TLE2: variants seen among roughly 807,000 people sequenced by gnomAD.
TLE2 encodes TLE family member 2, transcriptional corepressor, also known as transducin-like enhancer protein 2.
Under a neutral mutation model 97.2 loss-of-function variants are expected in TLE2, and 74 were observed. The observed-to-expected ratio is 0.76, with a 90% CI of 0.63 to 0.92. The LOEUF (loss-of-function observed/expected upper bound fraction) is 0.92, where lower values mean the gene tolerates loss of function less well. TLE2 is among the 40% of genes least tolerant of loss of function. The pLI, the probability that TLE2 is intolerant of heterozygous loss-of-function variation, is 0.00. For synonymous variants in TLE2, 499 were observed against 432.1 expected, an observed-to-expected ratio of 1.15 and a Z score of -1.92; for missense variants, 1,038 against 1,008.7, an observed-to-expected ratio of 1.03 and a Z score of -0.39.
At chr19:3,029,562 G>GAGC (rs941304896), upstream of TLE2, 3 of 816,150 alleles carry the variant, frequency 3.7e-6, no homozygotes, top group African/African-American at 1.9e-5. Flanking sequence ...TGGGAGCGGG[G>GAGC]GGGGGGGCTT....
chr19:3,046,253 C>A (rs941160253), upstream of TLE2, among the ~76,000 whole-genome samples: 3 of 152,234 alleles, frequency 2.0e-5, no homozygotes, highest in Non-Finnish European at 4.4e-5. Context: ...ACCAGCACTG[C>A]AGGTGCAGCT....
rs557429534 is a variant in TLE2 at position 3,029,037 on chromosome 19, G to A, written c.-133C>T. The A allele has an allele frequency of 2.0e-5, 29 of 1,475,424 alleles. No homozygotes were observed. The South Asian group carries it at 2.5e-4, about 13-fold the overall frequency. 91.4% of individuals were successfully genotyped at this position (1,475,424 alleles called of 1,614,324 possible). On this transcript the variant is annotated 5_prime_UTR_variant, in exon 1 of 20. Transcript: ENST00000262953. ...AGGGAGGAGGGAGAAGCGGCGCGGG[G>A]CAAGGGACCCTGGAGTCCCTGGCGC...
In TLE2 at chr19:3,012,840, CACAA is replaced by C. The variant is rs1311001278; in HGVS notation, c.873+825_873+828del. On this transcript the variant is annotated intron_variant, in intron 11 of 19. Coordinates refer to ENST00000262953, the MANE Select transcript of TLE2 (RefSeq NM_003260.5). The stretch of plus-strand genomic sequence containing the variant: ...GTCTCGGCTTCCCATGACACCATCG[CACAA>C]ACAGTGACAGCCACGCAACACCGGC... 2.0e-5 allele frequency among the ~76,000 whole-genome samples: 3 copies of C among 152,238 alleles called. No homozygotes were observed. The South Asian group carries it at 6.2e-4, about 32-fold the overall frequency.
chr19:3,013,748 C>A lies in TLE2; in HGVS notation c.794G>T (p.Arg265Leu), dbSNP rs199772717. ...CGKVPICIPARRDLVDSPASL... is the reference protein window; with the variant it reads ...CGKVPICIPALRDLVDSPASL... Reference sequence around the variant, plus strand: ...GGCTGGACTGTCCACCAGGTCCCGACGGGCAGGAATGCAGATGGGTACCTT... The same window carrying A: ...GGCTGGACTGTCCACCAGGTCCCGAAGGGCAGGAATGCAGATGGGTACCTT... Residue 265 changes from arginine to leucine, a missense_variant, in exon 11 of 20, where the codon CGT (arginine) becomes CTT (leucine). By Grantham distance (102) the Arg-to-Leu change is moderately radical. Coordinates refer to ENST00000262953, the MANE Select transcript of TLE2 (RefSeq NM_003260.5). The A allele has an allele frequency of 1.9e-6, 3 of 1,560,894 alleles. No individual in the cohort carries two copies. Among genetic ancestry groups the A allele is most frequent in the Admixed American group, 3.8e-5 (2 of 52,884 alleles).
In TLE2 at chr19:3,019,485, G is replaced by A. The variant is rs1374240090; in HGVS notation, c.370-22C>T. ...GCTGCTGCTAGAAAGGAGGCAGGATGGGCCGGGGCGGGGGGCGGCAGGAGC... is the reference window on the plus strand; with the variant it reads ...GCTGCTGCTAGAAAGGAGGCAGGATAGGCCGGGGCGGGGGGCGGCAGGAGC... On this transcript the variant is annotated intron_variant, in intron 6 of 19. Coordinates refer to ENST00000262953, the MANE Select transcript of TLE2 (RefSeq NM_003260.5). This position sits in a 1 kb window ranked among gnomAD's most constrained non-coding sequence, Gnocchi z 5.1. 1.3e-6 allele frequency: 2 copies of A among 1,494,750 alleles called. No homozygotes were observed. Among genetic ancestry groups the A allele is most frequent in the Admixed American group, 2.2e-5 (1 of 46,348 alleles). The allele number at this position is 1,494,750 out of a possible 1,614,324, so 92.6% of individuals were successfully genotyped here.
At chr19:3,030,273 A>C (rs1279338918), upstream of TLE2, among the ~76,000 whole-genome samples, 1 of 152,198 alleles carries the variant, frequency 6.6e-6, no homozygotes, top group Non-Finnish European at 1.5e-5. Context: ...AACTGGAAGA[A>C]CCACAGCTCT....
At chr19:3,028,260 A>G in intron 3 of TLE2, 59 bp downstream of exon 3, 1 of 1,531,666 alleles carries the variant, frequency 6.5e-7, no homozygotes, top group African/African-American at 1.4e-5. Context: ...CCCAGAGTCC[A>G]CCGTGACTCA....
intron 10 of TLE2, 36 bp downstream of exon 10, chr19:3,014,534 C>T: frequency 6.5e-7 from 1 of 1,543,092 alleles, no homozygotes. Context: ...TGCTCTGTGC[C>T]CAGAGTCGGG....
At chr19:3,029,566 GGGGCTTGCGGGGAGC>G, upstream of TLE2, 1 of 743,608 alleles carries the variant, frequency 1.3e-6, no homozygotes, top group Non-Finnish European at 1.6e-6. Flanking sequence ...AGCGGGGGGG[GGGGCTTGCGGGGAGC>G]GGGGACCAGT....
chr19:3,040,310 C>T (rs975334844), intron 1 of TLE2, among the ~76,000 whole-genome samples: 15 of 152,142 alleles, frequency 9.9e-5, no homozygotes. Flanking sequence ...AAACCCCTGG[C>T]CGCATGGCCC....
At chr19:3,012,244 C>A (rs1380131605) in intron 11 of TLE2, among the ~76,000 whole-genome samples, 4 of 149,868 alleles carry the variant, frequency 2.7e-5, no homozygotes. Flanking sequence ...CAGAGCGAGA[C>A]TCCATCTCCA....
At chr19:3,026,688 C>G (rs1286043465) in intron 4 of TLE2, among the ~76,000 whole-genome samples, 2 of 151,282 alleles carry the variant, frequency 1.3e-5, no homozygotes, top group Non-Finnish European at 2.9e-5. Context: ...ATGTCTATCT[C>G]AGAACCCTGA....
rs1376480252 is a variant in TLE2 at position 3,009,838 on chromosome 19, C to T, written c.1013-136G>A. The stretch of plus-strand genomic sequence containing the variant: ...ACATTGGCCATAGCCTGGGACACCT[C>T]CAGACCTCTGCACTATCGTTCCTCC... On this transcript the variant is annotated intron_variant, in intron 12 of 19. Transcript: ENST00000262953. The T allele has an allele frequency of 3.0e-6, 3 of 986,440 alleles. No individual in the cohort carries two copies. In the African/African-American group the frequency reaches 5.0e-5, roughly 16 times the overall value. 61.1% of individuals were successfully genotyped at this position (986,440 alleles called of 1,614,324 possible).
intron 1 of TLE2, among the ~76,000 whole-genome samples, chr19:3,041,151 C>T (rs1305806038): frequency 4.7e-5 from 7 of 148,690 alleles, no homozygotes; most frequent in African/African-American, 7.4e-5. Flanking sequence ...CTCAGCCTCC[C>T]GAGTAGCTGG....
upstream of TLE2, among the ~76,000 whole-genome samples, chr19:3,032,649 G>A (rs952198841): frequency 2.6e-5 from 4 of 152,120 alleles, no homozygotes; most frequent in African/African-American, 7.2e-5. The surrounding 1 kb of genome is among the most constrained non-coding windows in gnomAD (Gnocchi z 4.1). Flanking sequence ...AGGTCTCTGC[G>A]GGGCCTGGCA....
chr19:3,009,084 C>CA (rs2089536724), intron 13 of TLE2, 139 bp from the exon 14 acceptor site: 1 of 615,258 alleles, frequency 1.6e-6, no homozygotes, highest in Non-Finnish European at 2.7e-6. Flanking sequence ...CTGCCTGTCA[C>CA]ACTACAGATG....
upstream of TLE2, among the ~76,000 whole-genome samples, chr19:3,029,911 C>T (rs1256202507): frequency 1.3e-5 from 2 of 152,104 alleles, no homozygotes; most frequent in Non-Finnish European, 2.9e-5. Context: ...ATCCTTCCCC[C>T]TCAGCTTCTC....
intron 17 of TLE2, among the ~76,000 whole-genome samples, chr19:3,004,991 T>C (rs550378040): frequency 6.6e-6 from 1 of 152,114 alleles, no homozygotes; most frequent in African/African-American, 2.4e-5. Context: ...CCACCTTCAA[T>C]GGGGATCTCT....
At position 3,017,232 on chromosome 19, in the gene TLE2, GGTC is replaced by G. The variant is rs530068005; in HGVS notation, c.570+605_570+607del. ...GGCTCACTGCAACCTCTGTCTCCCA[GGTC>G]CAAGTGATTCTCCTGCCTTGACCTC... On this transcript the variant is annotated intron_variant, in intron 8 of 19. Coordinates refer to ENST00000262953, the MANE Select transcript of TLE2 (RefSeq NM_003260.5). Among the ~76,000 whole-genome samples, 435 of 123,036 alleles carry G rather than the reference GGTC, an allele frequency of 3.5e-3. 2 individuals carry two copies. Among genetic ancestry groups the G allele is most frequent in the African/African-American group, 0.017 (415 of 24,286 alleles). 80.7% of individuals were successfully genotyped at this position (123,036 alleles called of 152,430 possible).
Sources: gnomAD v4.1 joint callset for allele counts (sites outside exome capture counted in the v4.1 genomes callset) on GRCh38, gnomAD v4.1.1 for gene constraint, Gnocchi (gnomAD v3.1) non-coding constraint, MANE v1.5 for transcripts, NCBI Gene and HGNC (gene_info 2026-07-23, HGNC 2026-07-21) for gene names.